Variants in NEDD9 observed in about 807,000 individuals in gnomAD.
NEDD9 encodes the protein enhancer of filamentation 1.
A neutral mutation model predicts 76.6 loss-of-function variants in NEDD9; 26 were observed. The ratio of observed to expected loss-of-function variants is 0.34; its 90% CI spans 0.25 to 0.47. The LOEUF is 0.47. Ranked by LOEUF, NEDD9 falls within the 20% of genes least tolerant of loss-of-function variation. The pLI is 1.00. For missense variants in NEDD9, 937 were observed against 1,058.5 expected (o/e 0.89, Z 1.59); for synonymous variants, 392 against 414.2 (o/e 0.95, Z 0.65).
chr6:11,350,891 T>G (rs929891921), intron 1 of NEDD9, among the ~76,000 whole-genome samples: 1 of 152,222 alleles, frequency 6.6e-6, no homozygotes, highest in African/African-American at 2.4e-5. Context: ...AAAGGCGTCT[T>G]GACAGAGGTG....
chr6:11,204,734 AAAAGAAAG>A (rs1356647320), intron 2 of NEDD9, among the ~76,000 whole-genome samples: 13 of 137,974 alleles, frequency 9.4e-5, no homozygotes, highest in South Asian at 2.3e-4. Context: ...AAAAAAAAAA[AAAAGAAAG>A]AAAGAAAGAA....
At chr6:11,207,400 G>A (rs1454931199) in intron 2 of NEDD9, 1 of 152,190 alleles carries the variant, frequency 6.6e-6, no homozygotes, top group Non-Finnish European at 1.5e-5. Context: ...TGATGACTCA[G>A]TGTCTAGGAA....
chr6:11,305,716 T>C (rs2090261638), intron 3 of NEDD9: 1 of 474,462 alleles, frequency 2.1e-6, no homozygotes, highest in Admixed American at 3.3e-5. Context: ...GGCACCATTA[T>C]GTTAAGTGGA....
At chr6:11,257,340 A>G (rs1430464157) in intron 3 of NEDD9, among the ~76,000 whole-genome samples, 1 of 152,220 alleles carries the variant, frequency 6.6e-6, no homozygotes, top group Non-Finnish European at 1.5e-5. Context: ...AACCCCTGGG[A>G]GGCAAAATTG....
chr6:11,315,328 C>T (rs893068775), intron 2 of NEDD9, among the ~76,000 whole-genome samples: 4 of 152,224 alleles, frequency 2.6e-5, no homozygotes, highest in African/African-American at 9.6e-5. Context: ...AACAGCCCAT[C>T]AGCCACCTGC....
At chr6:11,291,316 C>T (rs2876225) in intron 3 of NEDD9, among the ~76,000 whole-genome samples, 46,091 of 140,940 alleles carry the variant, frequency 0.33, 8,527 homozygotes, top group African/African-American at 0.49. Context: ...GCTCTGTCGC[C>T]CAGGCTGGAG....
intron 1 of NEDD9, among the ~76,000 whole-genome samples, chr6:11,356,011 ATG>A (rs1762568941): frequency 6.6e-6 from 1 of 151,648 alleles, no homozygotes; most frequent in Non-Finnish European, 1.5e-5. Flanking sequence ...GTGAGCCACC[ATG>A]CCCGGCCGAG....
chr6:11,358,247 A>C (rs1269230838), intron 1 of NEDD9, among the ~76,000 whole-genome samples: 1 of 11,916 alleles, frequency 8.4e-5, no homozygotes, highest in Non-Finnish European at 1.7e-4. Flanking sequence ...AGACTCCGTC[A>C]AAAAAAAAAA....
intron 3 of NEDD9, among the ~76,000 whole-genome samples, chr6:11,257,780 T>TGTGTGTGTGTGTGTGG (rs1760033572): frequency 6.7e-6 from 1 of 150,290 alleles, no homozygotes; most frequent in African/African-American, 2.5e-5. Context: ...AGATTCTGTG[T>TGTGTGTGTGTGTGTGG]GTGTGTGTGT....
intron 3 of NEDD9, among the ~76,000 whole-genome samples, chr6:11,298,842 C>T (rs922384607): frequency 1.9e-4 from 29 of 152,142 alleles, no homozygotes; most frequent in African/African-American, 7.0e-4. Flanking sequence ...TTACCTTGAC[C>T]TTAAAACATC....
chr6:11,361,950 T>C (rs1206535652), intron 1 of NEDD9, among the ~76,000 whole-genome samples: 5 of 152,160 alleles, frequency 3.3e-5, no homozygotes, highest in Non-Finnish European at 7.3e-5. Flanking sequence ...GGTACAGATA[T>C]TCAAGGAATA....
chr6:11,379,547 C>T (rs572432978), intron 1 of NEDD9, among the ~76,000 whole-genome samples: 1 of 152,012 alleles, frequency 6.6e-6, no homozygotes, highest in East Asian at 1.9e-4. Context: ...ACACTGCACT[C>T]TAGCCTGGGT....
upstream of NEDD9, among the ~76,000 whole-genome samples, chr6:11,235,275 T>C (rs1759575564): frequency 6.6e-6 from 1 of 152,142 alleles, no homozygotes; most frequent in African/African-American, 2.4e-5. This position sits in a 1 kb window ranked among gnomAD's most constrained non-coding sequence, Gnocchi z 4.1. Context: ...ATTGTATTAA[T>C]TATAACTAGT....
chr6:11,191,834 C>T (rs918222264), intron 4 of NEDD9, among the ~76,000 whole-genome samples: 13 of 152,112 alleles, frequency 8.5e-5, no homozygotes, highest in African/African-American at 3.1e-4. Flanking sequence ...TAGGGAGACA[C>T]CGTCTCTACA....
At chr6:11,358,212 G>C (rs1482528452) in intron 1 of NEDD9, among the ~76,000 whole-genome samples, 1 of 126,670 alleles carries the variant, frequency 7.9e-6, no homozygotes, top group African/African-American at 3.1e-5. Flanking sequence ...TCACGCCACT[G>C]CACTCCCAGC....
upstream of NEDD9, among the ~76,000 whole-genome samples, chr6:11,234,154 T>A (rs62395301): frequency 8.2e-3 from 1,255 of 152,322 alleles, 7 homozygotes; most frequent in Non-Finnish European, 0.013. Context: ...TCCTCATTTG[T>A]CCTTAGAGCA....
intron 1 of NEDD9, among the ~76,000 whole-genome samples, chr6:11,351,284 C>T (rs1259264124): frequency 6.6e-6 from 1 of 152,094 alleles, no homozygotes; most frequent in Non-Finnish European, 1.5e-5. Context: ...CCAGGAGTCC[C>T]CAGGCTGGAA....
intron 1 of NEDD9, among the ~76,000 whole-genome samples, chr6:11,374,587 T>A (rs950726114): frequency 6.6e-6 from 1 of 152,190 alleles, no homozygotes; most frequent in African/African-American, 2.4e-5. Flanking sequence ...GACACTACTA[T>A]TTGATAACTG....
intron 2 of NEDD9, among the ~76,000 whole-genome samples, chr6:11,208,947 CT>C (rs984016835): frequency 3.2e-4 from 48 of 152,240 alleles, no homozygotes; most frequent in Admixed American, 2.6e-4. Context: ...AAATTGAAAA[CT>C]TTTTTTCTTC....
Sources: gnomAD v4.1 joint callset for allele counts (sites outside exome capture counted in the v4.1 genomes callset) on GRCh38, gnomAD v4.1.1 for gene constraint, Gnocchi (gnomAD v3.1) non-coding constraint, MANE v1.5 for transcripts, NCBI Gene and HGNC (gene_info 2026-07-23, HGNC 2026-07-21) for gene names.